CFAP95: variants seen among roughly 807,000 people sequenced by gnomAD.
CFAP95 encodes cilia- and flagella-associated protein 95.
the CFAP95 span, among the ~76,000 whole-genome samples, chr9:69,899,557 C>G: frequency 3.9e-5 from 6 of 152,364 alleles, no homozygotes; most frequent in East Asian, 1.2e-3. Flanking sequence ...AGAACTGAGA[C>G]TACTATCCTT....
At chr9:69,856,533 T>C in the CFAP95 span, 23 of 1,437,578 alleles carry the variant, frequency 1.6e-5, no homozygotes, top group East Asian at 2.3e-4. Context: ...ATTTTTCTTA[T>C]ATGTGGCTTC....
chr9:69,897,463 T>C, the CFAP95 span, among the ~76,000 whole-genome samples: 1 of 152,144 alleles, frequency 6.6e-6, no homozygotes, highest in Non-Finnish European at 1.5e-5. Flanking sequence ...TCCTGTAATA[T>C]TAAATTAGGC....
the CFAP95 span, among the ~76,000 whole-genome samples, chr9:69,839,937 C>T: frequency 2.8e-4 from 42 of 151,588 alleles, no homozygotes; most frequent in East Asian, 8.2e-3. Flanking sequence ...ATTAGCTGGG[C>T]ACGGTGGCGT....
At chr9:69,874,984 T>A in the CFAP95 span, among the ~76,000 whole-genome samples, 1 of 152,208 alleles carries the variant, frequency 6.6e-6, no homozygotes, top group Admixed American at 6.5e-5. Flanking sequence ...CCCAAGACAA[T>A]GCCTAGAAAT....
the CFAP95 span, among the ~76,000 whole-genome samples, chr9:69,860,445 C>A: frequency 6.6e-6 from 1 of 152,162 alleles, no homozygotes; most frequent in East Asian, 1.9e-4. Flanking sequence ...ACCCCCATGA[C>A]CCAAACACCT....
At chr9:69,832,060 G>A in the CFAP95 span, among the ~76,000 whole-genome samples, 5 of 152,140 alleles carry the variant, frequency 3.3e-5, no homozygotes, top group African/African-American at 1.2e-4. Context: ...TATAACAAGG[G>A]TGTGAACAGC....
the CFAP95 span, chr9:69,844,659 A>C: frequency 1.4e-6 from 2 of 1,470,682 alleles, no homozygotes; most frequent in East Asian, 2.3e-5. Flanking sequence ...TTGAAGTCTG[A>C]AATCTTTGTC....
the CFAP95 span, among the ~76,000 whole-genome samples, chr9:69,862,565 T>C: frequency 6.6e-6 from 1 of 152,184 alleles, no homozygotes; most frequent in Non-Finnish European, 1.5e-5. Context: ...ATGTCAACTT[T>C]AAAAGGCAAT....
the CFAP95 span, among the ~76,000 whole-genome samples, chr9:69,891,782 G>A: frequency 5.9e-5 from 9 of 151,888 alleles, no homozygotes; most frequent in African/African-American, 1.5e-4. Flanking sequence ...TTTTGACTGC[G>A]TTACTGTATT....
the CFAP95 span, among the ~76,000 whole-genome samples, chr9:69,854,965 T>C: frequency 6.6e-6 from 1 of 152,216 alleles, no homozygotes; most frequent in African/African-American, 2.4e-5. Context: ...TTCTCCACTA[T>C]TGCTATCCTC....
At chr9:69,844,517 G>C in the CFAP95 span, 4 of 1,580,594 alleles carry the variant, frequency 2.5e-6, no homozygotes, top group Non-Finnish European at 3.4e-6. Context: ...TTTTCTTAAG[G>C]CACCGTGACA....
the CFAP95 span, among the ~76,000 whole-genome samples, chr9:69,854,678 G>T: frequency 6.6e-6 from 1 of 152,238 alleles, no homozygotes; most frequent in Admixed American, 6.5e-5. Context: ...GCTGCAATGA[G>T]CTCCTTGCCT....
chr9:69,851,902 G>A, the CFAP95 span, among the ~76,000 whole-genome samples: 8 of 151,736 alleles, frequency 5.3e-5, no homozygotes, highest in Non-Finnish European at 1.0e-4. Context: ...GAGGAAGAAG[G>A]AAGAAGCTCA....
the CFAP95 span, among the ~76,000 whole-genome samples, chr9:69,824,962 A>T: frequency 6.6e-6 from 1 of 152,324 alleles, no homozygotes; most frequent in Admixed American, 6.5e-5. Context: ...TATTGCTGGC[A>T]TACTTGTTCT....
chr9:69,860,744 T>C, the CFAP95 span, among the ~76,000 whole-genome samples: 1 of 152,274 alleles, frequency 6.6e-6, no homozygotes, highest in Admixed American at 6.5e-5. Flanking sequence ...TTTTTTTTAC[T>C]TTTAAAACTT....
At chr9:69,880,631 G>T in the CFAP95 span, among the ~76,000 whole-genome samples, 1 of 152,274 alleles carries the variant, frequency 6.6e-6, no homozygotes, top group East Asian at 1.9e-4. Flanking sequence ...GGGAGTGCAG[G>T]TATTTCTTTG....
At chr9:69,857,085 C>A in the CFAP95 span, among the ~76,000 whole-genome samples, 1 of 152,002 alleles carries the variant, frequency 6.6e-6, no homozygotes, top group Non-Finnish European at 1.5e-5. Flanking sequence ...GAAATTTAGA[C>A]GAAATAAAGT....
the CFAP95 span, among the ~76,000 whole-genome samples, chr9:69,847,344 G>A: frequency 1.3e-5 from 2 of 152,136 alleles, no homozygotes; most frequent in Non-Finnish European, 2.9e-5. Context: ...GGATAAATGA[G>A]GGAGCTGAGA....
chr9:69,886,336 G>GA, the CFAP95 span, among the ~76,000 whole-genome samples: 19 of 151,038 alleles, frequency 1.3e-4, no homozygotes, highest in Middle Eastern at 6.8e-3. Context: ...CTTAAGGAGA[G>GA]AAAAAAAAAT....
Sources: allele counts gnomAD v4.1 joint callset (sites outside exome capture counted in the v4.1 genomes callset), GRCh38; gene constraint gnomAD v4.1.1; transcripts MANE v1.5; gene names NCBI Gene and HGNC (gene_info 2026-07-23, HGNC 2026-07-21).